Variants in EPB41L4B observed in about 807,000 individuals in gnomAD.
The protein encoded by EPB41L4B is erythrocyte membrane protein band 4.1 like 4B, also known as band 4.1-like protein 4B.
In EPB41L4B, 30 loss-of-function variants were observed where a neutral mutation model predicts 112.5. The observed-to-expected ratio is 0.27, with a 90% CI of 0.20 to 0.36. EPB41L4B has a LOEUF of 0.36. Among genes scored for constraint, EPB41L4B ranks in the 10% least tolerant of loss-of-function variants. EPB41L4B has a pLI of 1.00. For synonymous variants in EPB41L4B, 408 were observed against 439.7 expected, an observed-to-expected ratio of 0.93 and a Z score of 0.90; for missense variants, 1,024 against 1,133.3, an observed-to-expected ratio of 0.90 and a Z score of 1.38.
At chr9:109,237,667 C>G (rs1002159332) in intron 15 of EPB41L4B, among the ~76,000 whole-genome samples, 4 of 151,976 alleles carry the variant, frequency 2.6e-5, no homozygotes, top group African/African-American at 7.3e-5. Context: ...GGTTACTAGA[C>G]CACTGGAGGG....
intron 2 of EPB41L4B, among the ~76,000 whole-genome samples, chr9:109,277,656 G>A (rs12555138): frequency 0.17 from 26,504 of 152,170 alleles, 2,943 homozygotes; most frequent in Admixed American, 0.24. Flanking sequence ...ATGGGCCTGC[G>A]TGTCAAGGGG....
intron 15 of EPB41L4B, chr9:109,240,440 A>AT: frequency 2.0e-6 from 2 of 985,420 alleles, no homozygotes; most frequent in Non-Finnish European, 2.4e-6. Flanking sequence ...GATGTCAAAC[A>AT]TTTTTTAGAG....
intron 2 of EPB41L4B, among the ~76,000 whole-genome samples, chr9:109,269,230 GA>G (rs2119089401): frequency 6.6e-6 from 1 of 152,276 alleles, no homozygotes; most frequent in South Asian, 2.1e-4. Context: ...CTTTTGCCAG[GA>G]AAATGAGCCA....
At chr9:109,278,195 G>T (rs564423981) in intron 2 of EPB41L4B, among the ~76,000 whole-genome samples, 1 of 152,286 alleles carries the variant, frequency 6.6e-6, no homozygotes, top group African/African-American at 2.4e-5. Context: ...TCCGGTGGAC[G>T]GAGTGAGAGT....
chr9:109,193,753 T>C (rs541421054), intron 21 of EPB41L4B, among the ~76,000 whole-genome samples: 1 of 152,362 alleles, frequency 6.6e-6, no homozygotes, highest in East Asian at 1.9e-4. Flanking sequence ...TCTCAGGCAA[T>C]TTCCTGAAAT....
intron 2 of EPB41L4B, among the ~76,000 whole-genome samples, chr9:109,271,555 C>T (rs550464088): frequency 6.6e-6 from 1 of 152,292 alleles, no homozygotes; most frequent in Admixed American, 6.5e-5. Context: ...CCCACAAGAC[C>T]ACCTTGTGGC....
intron 15 of EPB41L4B, among the ~76,000 whole-genome samples, chr9:109,228,546 A>G (rs952502636): frequency 2.0e-5 from 3 of 151,970 alleles, no homozygotes; most frequent in African/African-American, 7.2e-5. Flanking sequence ...TTTCCTGACT[A>G]CTCTTTCTCT....
At chr9:109,274,447 A>G (rs1350222747) in intron 2 of EPB41L4B, among the ~76,000 whole-genome samples, 1 of 152,198 alleles carries the variant, frequency 6.6e-6, no homozygotes, top group African/African-American at 2.4e-5. Context: ...TCTCTCCTCC[A>G]GACCCACAGA....
intron 1 of EPB41L4B, among the ~76,000 whole-genome samples, chr9:109,305,881 G>A (rs966999820): frequency 1.5e-4 from 23 of 152,130 alleles, no homozygotes; most frequent in African/African-American, 4.6e-4. Flanking sequence ...TCGAGATCGC[G>A]CCACTGCAGT....
At position 109,279,844 on chromosome 9, in the gene EPB41L4B, G is replaced by C. The variant is rs2119134306; in HGVS notation, c.384C>G (p.Leu128=). 2.5e-6 allele frequency: 4 copies of C among 1,614,074 alleles called. No homozygotes were observed. In the East Asian group the frequency reaches 8.9e-5, roughly 36 times the overall value. Residue 128 remains leucine, a synonymous_variant, in exon 2 of 26, where the codon CTC becomes CTG. Coordinates refer to ENST00000374566, the MANE Select transcript of EPB41L4B (RefSeq NM_019114.5). The part of the protein sequence containing the change: ...LDLVETDYFG[L]QFLDSAQVAH... The stretch of plus-strand genomic sequence containing the variant: ...CAACCTGGGCAGAGTCGAGGAACTG[G>C]AGGCCAAAGTAATCTGTTTCCACAA...
At chr9:109,267,345 T>C (rs575304266) in intron 4 of EPB41L4B, 128 bp downstream of exon 4, 5 of 594,880 alleles carry the variant, frequency 8.4e-6, no homozygotes, top group Non-Finnish European at 1.5e-5. Flanking sequence ...ACCGGAAAAG[T>C]ACTAATAACT....
chr9:109,189,603 G>T (rs577884085), intron 22 of EPB41L4B, among the ~76,000 whole-genome samples: 12 of 152,198 alleles, frequency 7.9e-5, no homozygotes, highest in Non-Finnish European at 1.6e-4. Flanking sequence ...AAAGTGAAAG[G>T]CTTATGCTAG....
chr9:109,303,845 A>G (rs1456377482), intron 1 of EPB41L4B, among the ~76,000 whole-genome samples: 2 of 152,054 alleles, frequency 1.3e-5, no homozygotes, highest in Non-Finnish European at 2.9e-5. Context: ...ATATGACCGG[A>G]TAAGTTTTAT....
chr9:109,293,717 A>AAAAAAAAAAAAAAAAC (rs1564326022), intron 1 of EPB41L4B, among the ~76,000 whole-genome samples: 1 of 143,606 alleles, frequency 7.0e-6, no homozygotes. Flanking sequence ...AAAAAAAAAA[A>AAAAAAAAAAAAAAAAC]AAACATAAAC....
chr9:109,306,349 C>A (rs771272657), intron 1 of EPB41L4B, among the ~76,000 whole-genome samples: 19 of 152,260 alleles, frequency 1.2e-4, no homozygotes, highest in Non-Finnish European at 2.6e-4. Context: ...TGGTGGCTCA[C>A]GCCTGTAACC....
intron 15 of EPB41L4B, among the ~76,000 whole-genome samples, chr9:109,220,896 C>G (rs139973623): frequency 2.0e-4 from 30 of 152,326 alleles, no homozygotes; most frequent in Admixed American, 9.8e-4. Context: ...TATCCACCCT[C>G]TTCATGCCCC....
rs539957221 is a variant in EPB41L4B at position 109,260,160 on chromosome 9, A to C, written c.632-1863T>G. Among the ~76,000 whole-genome samples, 24 of 151,818 alleles carry C rather than the reference A, an allele frequency of 1.6e-4. No individual in the cohort carries two copies. The South Asian group carries it at 4.8e-3, about 30-fold the overall frequency. On this transcript the variant is annotated intron_variant, in intron 6 of 25. Transcript: ENST00000374566. The stretch of plus-strand genomic sequence containing the variant: ...CAGCTCTCTGCAACCTCAAACCTCA[A>C]CCTCCCCTGGCTCAGGTGATCCTCC...
chr9:109,291,150 G>A (rs997278225), intron 1 of EPB41L4B, among the ~76,000 whole-genome samples: 34 of 152,226 alleles, frequency 2.2e-4, no homozygotes, highest in African/African-American at 7.2e-5. Flanking sequence ...AGTTCATACC[G>A]CTTATAAGTA....
At chr9:109,255,864 T>C (rs1310671869) in intron 9 of EPB41L4B, 21 bp from the exon 10 acceptor site, 3 of 1,606,808 alleles carry the variant, frequency 1.9e-6, no homozygotes, top group African/African-American at 1.3e-5. Context: ...AGAAAGCATT[T>C]TAAAAGCACA....
Sources: allele counts gnomAD v4.1 joint callset (sites outside exome capture counted in the v4.1 genomes callset), GRCh38; gene constraint gnomAD v4.1.1; transcripts MANE v1.5; gene names NCBI Gene and HGNC (gene_info 2026-07-23, HGNC 2026-07-21).